The following CLCN3 variants were observed in gnomAD, a reference collection of about 807,000 sequenced individuals.
CLCN3 encodes the protein H(+)/Cl(-) exchange transporter 3.
A neutral mutation model predicts 83.4 loss-of-function variants in CLCN3; 16 were observed. That is an observed-to-expected ratio of 0.19 (90% CI 0.13 to 0.29). CLCN3 has a LOEUF of 0.29. Among genes scored for constraint, CLCN3 ranks in the 10% least tolerant of loss-of-function variants. CLCN3 has a pLI of 1.00. For missense variants in CLCN3, 544 were observed against 1,006.0 expected (o/e 0.54, Z 6.21); for synonymous variants, 322 against 346.2 (o/e 0.93, Z 0.78).
At chr4:169,671,508 A>C (rs1217136086) in intron 2 of CLCN3, among the ~76,000 whole-genome samples, 1 of 152,156 alleles carries the variant, frequency 6.6e-6, no homozygotes, top group African/African-American at 2.4e-5. Flanking sequence ...TTGGGGTTTA[A>C]AACCTAAACG....
At chr4:169,707,349 G>A (rs1733034140) in intron 11 of CLCN3, 83 bp downstream of exon 11, 8 of 1,096,722 alleles carry the variant, frequency 7.3e-6, no homozygotes, top group Non-Finnish European at 9.0e-6. Flanking sequence ...CATTTAATGG[G>A]TTGGATTTGT....
At chr4:169,698,132 A>G (rs1269759911) in intron 9 of CLCN3, among the ~76,000 whole-genome samples, 1 of 152,144 alleles carries the variant, frequency 6.6e-6, no homozygotes, top group South Asian at 2.1e-4. Flanking sequence ...GTAGCTATAT[A>G]TAGTTTTGGG....
At chr4:169,639,534 C>G (rs779458076) in intron 2 of CLCN3, among the ~76,000 whole-genome samples, 2 of 152,150 alleles carry the variant, frequency 1.3e-5, no homozygotes, top group Non-Finnish European at 2.9e-5. Flanking sequence ...GCATGAAGAT[C>G]CAGCAATAGG....
chr4:169,719,073 T>C (rs1365940697), intron 12 of CLCN3, among the ~76,000 whole-genome samples: 1 of 152,256 alleles, frequency 6.6e-6, no homozygotes, highest in Non-Finnish European at 1.5e-5. Flanking sequence ...CTGACCATTT[T>C]ATATGCATTT....
chr4:169,672,818 C>G (rs1424062411), intron 2 of CLCN3, among the ~76,000 whole-genome samples: 1 of 152,052 alleles, frequency 6.6e-6, no homozygotes, highest in Non-Finnish European at 1.5e-5. Context: ...CACCTGCCAC[C>G]GCGCCCAGCT....
intron 2 of CLCN3, among the ~76,000 whole-genome samples, chr4:169,643,905 G>A (rs1349506092): frequency 1.3e-5 from 2 of 152,152 alleles, no homozygotes; most frequent in East Asian, 3.8e-4. Flanking sequence ...ACTGTCAGTT[G>A]TTTTACTTGA....
chr4:169,714,286 G>GTT (rs200183020), intron 12 of CLCN3, among the ~76,000 whole-genome samples: 7 of 144,518 alleles, frequency 4.8e-5, no homozygotes, highest in Non-Finnish European at 6.1e-5. Flanking sequence ...GTTTTTTGTT[G>GTT]TTTTTTTTTT....
In CLCN3 at chr4:169,722,998, CTCT is replaced by C. The variant is rs1465480464; in HGVS notation, c.*3009_*3011del. Reference sequence around the variant, plus strand: ...TGAGAATGGGCAAGGGTGTCAGCATCTCTTCTTCTTAATAATTAATTGTTTTCA... The same window carrying C: ...TGAGAATGGGCAAGGGTGTCAGCATCTCTTCTTAATAATTAATTGTTTTCA... On this transcript the variant is annotated 3_prime_UTR_variant, in exon 13 of 13. Coordinates refer to ENST00000513761, the MANE Select transcript of CLCN3 (RefSeq NM_001829.4). The C allele has an allele frequency of 1.3e-5, 2 of 152,168 alleles. No homozygotes were observed. Among genetic ancestry groups the C allele is most frequent in the South Asian group, 2.1e-4 (1 of 4,832 alleles). 9.4% of individuals were successfully genotyped at this position (152,168 alleles called of 1,614,324 possible).
At chr4:169,717,723 T>C (rs138060508) in intron 12 of CLCN3, 13 of 993,176 alleles carry the variant, frequency 1.3e-5, no homozygotes, top group East Asian at 1.2e-4. Context: ...TCTCATTCTT[T>C]ATCATTATGA....
chr4:169,677,956 A>G (rs1472124284), intron 2 of CLCN3, among the ~76,000 whole-genome samples: 2 of 152,216 alleles, frequency 1.3e-5, no homozygotes, highest in African/African-American at 4.8e-5. Flanking sequence ...TGATACTCAT[A>G]TAAGATATAT....
In CLCN3 at chr4:169,716,791, T is replaced by C. The variant is rs187285347; in HGVS notation, c.2367-3116T>C. 1.1e-3 allele frequency among the ~76,000 whole-genome samples: 162 copies of C among 152,216 alleles called. 1 individual carries two copies. The highest frequency in any genetic ancestry group is 3.8e-3 in the African/African-American group (158 of 41,558). ...ACTATTTTACACCTGGACGTAGCTA[T>C]AGGAACAGGCTACTTTGAAGTCTCC... On this transcript the variant is annotated intron_variant, in intron 12 of 12. Transcript: ENST00000513761.
At chr4:169,624,952 C>T (rs191396464) in intron 1 of CLCN3, among the ~76,000 whole-genome samples, 3 of 151,978 alleles carry the variant, frequency 2.0e-5, no homozygotes, top group East Asian at 3.9e-4. Context: ...CCACCATGCC[C>T]GGCTAATTTT....
At position 169,720,108 on chromosome 4, in the gene CLCN3, A is replaced by C; in HGVS notation, c.*111A>C. On this transcript the variant is annotated 3_prime_UTR_variant, in exon 13 of 13. Coordinates refer to ENST00000513761, the MANE Select transcript of CLCN3 (RefSeq NM_001829.4). ...CTTTTTTTTCCTCCTTTACAAAAAA[A>C]GAAAGGAAATATAAAAGCCGGGTTT... The C allele has an allele frequency of 1.3e-6, 2 of 1,516,642 alleles. No homozygotes were observed. The highest frequency in any genetic ancestry group is 1.8e-6 in the Non-Finnish European group (2 of 1,126,372). 93.9% of individuals were successfully genotyped at this position (1,516,642 alleles called of 1,614,324 possible). A position where few individuals can be genotyped will look rare whatever the true frequency, so the allele number is the denominator to read the frequency against.
In CLCN3 at chr4:169,713,188, C is replaced by T; in HGVS notation, c.2259C>T (p.Ser753=). The T allele has an allele frequency of 6.2e-7, 1 of 1,614,068 alleles. No homozygotes were observed. The highest frequency in any genetic ancestry group is 8.5e-7 in the Non-Finnish European group (1 of 1,179,942). The change falls in exon 12 of 13, where the codon AGC becomes AGT. Residue 753 remains serine (S), a synonymous_variant. Transcript: ENST00000513761. Reference sequence around the variant, plus strand: ...GTCCTCGGCCATTGAAGCTTCGAAGCATTCTTGACATGAGCCCTTTTACAG... The same window carrying T: ...GTCCTCGGCCATTGAAGCTTCGAAGTATTCTTGACATGAGCCCTTTTACAG... ...AESPRPLKLR[S]ILDMSPFTVT...
intron 3 of CLCN3, 91 bp downstream of exon 3, chr4:169,680,298 T>C (rs3756284): frequency 0.12 from 103,219 of 864,880 alleles, 6,708 homozygotes; most frequent in East Asian, 0.15. Context: ...GGCTGCCAAA[T>C]GTTTACATTT....
In CLCN3 at chr4:169,707,197, G is replaced by A; in HGVS notation, c.2080G>A (p.Val694Ile). 6.2e-7 allele frequency: 1 copy of A among 1,613,936 alleles called. No individual in the cohort carries two copies. The highest frequency in any genetic ancestry group is 8.5e-7 in the Non-Finnish European group (1 of 1,179,852). The change falls in exon 11 of 13, where the codon GTC becomes ATC. Residue 694 changes from valine (V) to isoleucine (I), a missense_variant. By Grantham distance (29) the Val-to-Ile change is conservative. This residue lies in a region of CLCN3 where 142 missense variants were observed against 225.0 expected (regional missense o/e 0.63). Coordinates refer to ENST00000513761, the MANE Select transcript of CLCN3 (RefSeq NM_001829.4). ...TGAAACCAGCTACAATGGATTTCCT[G>A]TCATAATGTCAAAAGAATCTCAGAG... ...INETSYNGFPVIMSKESQRLV... is the reference protein window; with the variant it reads ...INETSYNGFPIIMSKESQRLV...
intron 9 of CLCN3, among the ~76,000 whole-genome samples, chr4:169,698,542 G>A (rs903802466): frequency 2.7e-4 from 41 of 152,124 alleles, no homozygotes; most frequent in African/African-American, 9.7e-4. Flanking sequence ...AAGTCTTGCA[G>A]CGTGACTTGT....
chr4:169,702,600 A>T (rs1482516452), intron 9 of CLCN3, among the ~76,000 whole-genome samples: 8 of 152,064 alleles, frequency 5.3e-5, no homozygotes, highest in Non-Finnish European at 1.2e-4. Flanking sequence ...TTAAAAAAAA[A>T]GTCTTTGATT....
At chr4:169,633,077 A>T (rs1026101167) in intron 1 of CLCN3, among the ~76,000 whole-genome samples, 2 of 152,124 alleles carry the variant, frequency 1.3e-5, no homozygotes, top group African/African-American at 4.8e-5. Context: ...CAGTGGCATA[A>T]TCTCAGCTCA....
Sources: gnomAD v4.1 joint callset for allele counts (sites outside exome capture counted in the v4.1 genomes callset) on GRCh38, gnomAD v4.1.1 for gene constraint, gnomAD v4.1.1 regional missense constraint, MANE v1.5 for transcripts, NCBI Gene and HGNC (gene_info 2026-07-23, HGNC 2026-07-21) for gene names.